The following PARD3B variants were observed in gnomAD, a reference collection of about 807,000 sequenced individuals.
The protein encoded by PARD3B is par-3 family cell polarity regulator beta.
In PARD3B, 103 loss-of-function variants were observed where a neutral mutation model predicts 130.2. The observed-to-expected ratio is 0.79, with a 90% CI of 0.67 to 0.93. PARD3B has a LOEUF of 0.93. PARD3B is among the 40% of genes least tolerant of loss of function. The pLI is 0.00. For synonymous variants in PARD3B, 583 were observed against 553.2 expected (o/e 1.05, Z -0.76); for missense variants, 1,609 against 1,499.2 (o/e 1.07, Z -1.21).
intron 22 of PARD3B, among the ~76,000 whole-genome samples, chr2:205,569,815 T>A (rs1436276254): frequency 6.6e-6 from 1 of 152,192 alleles, no homozygotes; most frequent in Non-Finnish European, 1.5e-5. Context: ...TTGGGCTTTT[T>A]TCTCAAAATG....
intron 1 of PARD3B, among the ~76,000 whole-genome samples, chr2:204,646,154 A>G (rs2035263647): frequency 1.3e-5 from 2 of 152,158 alleles, no homozygotes. Context: ...GAAGCTATAA[A>G]TTATAAAATA....
chr2:205,473,779 AT>A lies in PARD3B; in HGVS notation c.3045-26110del, dbSNP rs1206489955. On this transcript the variant is annotated intron_variant, in intron 20 of 22. Transcript: ENST00000406610. This position sits in a 1 kb window ranked among gnomAD's most constrained non-coding sequence, Gnocchi z 4.9. Reference sequence around the variant, plus strand: ...ATAACCTTAAATATATATATTTTATATTTTTTTAACTTGCAGTTCAACCTGT... The same window carrying A: ...ATAACCTTAAATATATATATTTTATATTTTTTAACTTGCAGTTCAACCTGT... Among the ~76,000 whole-genome samples the A allele has an allele frequency of 3.4e-5, 5 of 147,104 alleles. No individual in the cohort carries two copies. In the East Asian group the frequency reaches 5.9e-4, roughly 17 times the overall value.
intron 2 of PARD3B, among the ~76,000 whole-genome samples, chr2:204,865,076 T>G (rs2045354211): frequency 6.6e-6 from 1 of 152,038 alleles, no homozygotes; most frequent in South Asian, 2.1e-4. Flanking sequence ...CACGATATGA[T>G]ATCACACCAC....
chr2:205,286,957 C>T (rs1475537778), intron 16 of PARD3B, among the ~76,000 whole-genome samples: 3 of 152,178 alleles, frequency 2.0e-5, no homozygotes, highest in Non-Finnish European at 4.4e-5. Context: ...GAAGAATGGT[C>T]CTCTCTTCAC....
At chr2:205,467,570 A>G (rs1456370915) in intron 20 of PARD3B, among the ~76,000 whole-genome samples, 1 of 151,322 alleles carries the variant, frequency 6.6e-6, no homozygotes, top group Non-Finnish European at 1.5e-5. Flanking sequence ...TTTGTTCACA[A>G]TAATTATTCT....
chr2:205,006,586 G>T (rs1469398449), intron 3 of PARD3B, among the ~76,000 whole-genome samples: 1 of 152,068 alleles, frequency 6.6e-6, no homozygotes, highest in Non-Finnish European at 1.5e-5. Context: ...TTTTTCATAT[G>T]TTTATTGGCT....
intron 1 of PARD3B, among the ~76,000 whole-genome samples, chr2:204,628,825 A>C (rs2034578363): frequency 6.6e-6 from 1 of 152,182 alleles, no homozygotes; most frequent in Non-Finnish European, 1.5e-5. Context: ...CAATGTCTTA[A>C]CATCCTCTCA....
rs544153976 is a variant in PARD3B, at chr2:205,507,617, A to G, written c.3180+7586A>G. 9.2e-5 allele frequency among the ~76,000 whole-genome samples: 14 copies of G among 152,252 alleles called. No homozygotes were observed. The South Asian group carries it at 2.9e-3, about 32-fold the overall frequency. Reference sequence around the variant, plus strand: ...CATAAATAAGGATAGGTGAAGAGAGAGTCCTCAAAGGAAAATCAAGGTGCT... The same window carrying G: ...CATAAATAAGGATAGGTGAAGAGAGGGTCCTCAAAGGAAAATCAAGGTGCT... On this transcript the variant is annotated intron_variant, in intron 21 of 22. Transcript: ENST00000406610.
intron 1 of PARD3B, among the ~76,000 whole-genome samples, chr2:204,679,485 T>C (rs1198960841): frequency 6.6e-6 from 1 of 152,200 alleles, no homozygotes; most frequent in Admixed American, 6.5e-5. Context: ...TCACAATCCT[T>C]ACCCTAACCC....
chr2:205,107,671 A>G (rs1703322150), intron 5 of PARD3B, among the ~76,000 whole-genome samples: 1 of 152,244 alleles, frequency 6.6e-6, no homozygotes, highest in African/African-American at 2.4e-5. Flanking sequence ...GAATGGATAA[A>G]ACACATTGCT....
intron 21 of PARD3B, among the ~76,000 whole-genome samples, chr2:205,541,457 T>C (rs1403677875): frequency 4.0e-5 from 6 of 151,548 alleles, no homozygotes; most frequent in African/African-American, 1.5e-4. Flanking sequence ...CAAGCAATTC[T>C]CCTGTCTCAG....
chr2:205,287,241 G>A lies in PARD3B; in HGVS notation c.2186-13289G>A, dbSNP rs2041431050. On this transcript the variant is annotated intron_variant, in intron 16 of 22. Transcript: ENST00000406610. The surrounding 1 kb of genome is among the most constrained non-coding windows in gnomAD (Gnocchi z 4.8). ...GAGAGATTGGAGAATAGAATATGAA[G>A]TCAAGACTGTGAGTTACAATGGAAA... Among the ~76,000 whole-genome samples the A allele has an allele frequency of 1.3e-5, 2 of 152,148 alleles. No homozygotes were observed. The highest frequency in any genetic ancestry group is 2.9e-5 in the Non-Finnish European group (2 of 68,024).
At chr2:205,360,452 T>G (rs1274352564) in intron 18 of PARD3B, among the ~76,000 whole-genome samples, 1 of 152,234 alleles carries the variant, frequency 6.6e-6, no homozygotes, top group Non-Finnish European at 1.5e-5. Context: ...AAAAATACTT[T>G]CCTACATTTC....
At chr2:205,042,940 C>T (rs1378014768) in intron 3 of PARD3B, among the ~76,000 whole-genome samples, 3 of 149,972 alleles carry the variant, frequency 2.0e-5, no homozygotes, top group Non-Finnish European at 4.4e-5. Context: ...CTGAACAATT[C>T]CTATTTTATT....
At chr2:205,118,109 C>G (rs547504733) in intron 6 of PARD3B, among the ~76,000 whole-genome samples, 1 of 152,330 alleles carries the variant, frequency 6.6e-6, no homozygotes, top group South Asian at 2.1e-4. Flanking sequence ...CAAAGCCTGC[C>G]TTCATCATGT....
At chr2:205,451,142 T>C (rs2048088000) in intron 20 of PARD3B, among the ~76,000 whole-genome samples, 1 of 152,222 alleles carries the variant, frequency 6.6e-6, no homozygotes, top group Non-Finnish European at 1.5e-5. Context: ...CTCTCTTGCC[T>C]TTCCCAGTGG....
intron 4 of PARD3B, among the ~76,000 whole-genome samples, chr2:205,061,751 A>G (rs1700077057): frequency 6.6e-6 from 1 of 151,346 alleles, no homozygotes; most frequent in Non-Finnish European, 1.5e-5. Context: ...ATGCATACTG[A>G]GTGTCTTTTG....
At chr2:204,896,866 C>T (rs749883536) in intron 2 of PARD3B, among the ~76,000 whole-genome samples, 1 of 152,066 alleles carries the variant, frequency 6.6e-6, no homozygotes, top group Non-Finnish European at 1.5e-5. Context: ...AATAAGAAAG[C>T]CTTTGAACTT....
chr2:205,459,921 C>T (rs1171248894), intron 20 of PARD3B, among the ~76,000 whole-genome samples: 1 of 152,310 alleles, frequency 6.6e-6, no homozygotes, highest in East Asian at 1.9e-4. Flanking sequence ...CTTGTTCCAG[C>T]TTCTTTCTCC....
Sources: gnomAD v4.1 joint callset for allele counts (sites outside exome capture counted in the v4.1 genomes callset) on GRCh38, gnomAD v4.1.1 for gene constraint, Gnocchi (gnomAD v3.1) non-coding constraint, MANE v1.5 for transcripts, NCBI Gene and HGNC (gene_info 2026-07-23, HGNC 2026-07-21) for gene names.